NTRK2: variants seen among roughly 807,000 people sequenced by gnomAD.
NTRK2 encodes BDNF/NT-3 growth factors receptor.
A neutral mutation model predicts 94.5 loss-of-function variants in NTRK2; 13 were observed. That is an observed-to-expected ratio of 0.14 (90% CI 0.09 to 0.22). The LOEUF (loss-of-function observed/expected upper bound fraction) is 0.22, where lower values mean the gene tolerates loss of function less well. NTRK2 is among the 10% of genes least tolerant of loss of function. The pLI, the probability that NTRK2 is intolerant of heterozygous loss-of-function variation, is 1.00. For synonymous variants in NTRK2, 372 were observed against 407.4 expected (o/e 0.91, Z 1.05); for missense variants, 639 against 1,071.2 (o/e 0.60, Z 5.63).
intron 12 of NTRK2, among the ~76,000 whole-genome samples, chr9:84,786,258 T>C (rs1381069732): frequency 1.9e-4 from 29 of 152,198 alleles, no homozygotes. Context: ...CACTTGCTTG[T>C]TTCTAAGCAT....
intron 17 of NTRK2, among the ~76,000 whole-genome samples, chr9:84,977,984 T>G (rs1174495359): frequency 2.0e-5 from 3 of 152,204 alleles, no homozygotes; most frequent in Non-Finnish European, 2.9e-5. Flanking sequence ...ACAGTGAACT[T>G]AATAATTGTG....
intron 12 of NTRK2, among the ~76,000 whole-genome samples, chr9:84,824,872 A>G (rs560759955): frequency 6.6e-6 from 1 of 152,318 alleles, no homozygotes; most frequent in African/African-American, 2.4e-5. Flanking sequence ...ACCCTCTAAA[A>G]TCCAACCAAT....
intron 12 of NTRK2, among the ~76,000 whole-genome samples, chr9:84,776,112 C>G (rs2067005588): frequency 1.3e-5 from 2 of 151,862 alleles, no homozygotes; most frequent in Non-Finnish European, 1.5e-5. Context: ...ACAGTTGGTA[C>G]CTGTCTATCT....
chr9:84,974,693 A>G (rs1242909730), intron 17 of NTRK2, among the ~76,000 whole-genome samples: 1 of 152,202 alleles, frequency 6.6e-6, no homozygotes, highest in Non-Finnish European at 1.5e-5. Flanking sequence ...AACCTAGTTC[A>G]TATCCTCAAA....
At chr9:84,955,948 C>G (rs1253225081) in intron 17 of NTRK2, among the ~76,000 whole-genome samples, 1 of 152,152 alleles carries the variant, frequency 6.6e-6, no homozygotes, top group Non-Finnish European at 1.5e-5. Flanking sequence ...TGGGGGGACG[C>G]AGGTCAGCCC....
chr9:84,832,668 A>T (rs2073628323), intron 12 of NTRK2, among the ~76,000 whole-genome samples: 1 of 152,326 alleles, frequency 6.6e-6, no homozygotes, highest in Admixed American at 6.5e-5. Flanking sequence ...TTTAACCTAG[A>T]TAGAAAACCC....
At chr9:84,935,358 G>A (rs923766101) in intron 15 of NTRK2, among the ~76,000 whole-genome samples, 16 of 152,040 alleles carry the variant, frequency 1.1e-4, no homozygotes, top group African/African-American at 3.6e-4. Context: ...ATACATAATG[G>A]GCACAACTGA....
chr9:84,932,256 T>C (rs2078062615), intron 14 of NTRK2, among the ~76,000 whole-genome samples: 1 of 152,180 alleles, frequency 6.6e-6, no homozygotes, highest in South Asian at 2.1e-4. Context: ...TAATTCATAC[T>C]ACACACACAA....
chr9:84,845,169 A>G (rs1284276781), intron 12 of NTRK2, among the ~76,000 whole-genome samples: 2 of 152,184 alleles, frequency 1.3e-5, no homozygotes, highest in Non-Finnish European at 2.9e-5. Context: ...TGTTTATAAC[A>G]GCAGAATTTG....
intron 17 of NTRK2, among the ~76,000 whole-genome samples, chr9:84,968,849 T>C (rs1005818875): frequency 1.1e-4 from 16 of 152,322 alleles, no homozygotes; most frequent in Admixed American, 9.2e-4. Context: ...GCATATACTG[T>C]GCTACACCTA....
chr9:84,891,371 A>AC (rs2076591067), intron 14 of NTRK2, among the ~76,000 whole-genome samples: 1 of 151,226 alleles, frequency 6.6e-6, no homozygotes, highest in Non-Finnish European at 1.5e-5. Flanking sequence ...AAACAGGAAG[A>AC]CACGGTGCAT....
chr9:84,946,328 GT>G (rs1201940416), intron 15 of NTRK2, among the ~76,000 whole-genome samples: 1 of 152,206 alleles, frequency 6.6e-6, no homozygotes, highest in African/African-American at 2.4e-5. Flanking sequence ...TGCTGTCAGT[GT>G]TTAGTTCTCG....
At chr9:85,021,144 T>C in intron 18 of NTRK2, 108 bp from the exon 19 acceptor site, 2 of 900,688 alleles carry the variant, frequency 2.2e-6, no homozygotes, top group Non-Finnish European at 3.6e-6. Context: ...AAACCAAGAG[T>C]GGGCTTCTTT....
At chr9:84,690,852 A>G (rs913916293) in intron 2 of NTRK2, among the ~76,000 whole-genome samples, 13 of 152,238 alleles carry the variant, frequency 8.5e-5, no homozygotes, top group African/African-American at 2.9e-4. Flanking sequence ...TCTTGAAAAC[A>G]ACTAGTATAG....
chr9:84,832,166 C>G (rs532280338), intron 12 of NTRK2, among the ~76,000 whole-genome samples: 2 of 152,202 alleles, frequency 1.3e-5, no homozygotes, highest in East Asian at 3.9e-4. Flanking sequence ...AACTGGAAAC[C>G]TAGTGGCTTT....
At chr9:84,958,601 T>A (rs975853631) in intron 17 of NTRK2, among the ~76,000 whole-genome samples, 12 of 152,176 alleles carry the variant, frequency 7.9e-5, no homozygotes, top group African/African-American at 2.9e-4. Flanking sequence ...GGGTTAGTTT[T>A]TGTTTGATTT....
intron 6 of NTRK2, among the ~76,000 whole-genome samples, chr9:84,719,562 A>G (rs2061925961): frequency 6.6e-6 from 1 of 152,104 alleles, no homozygotes; most frequent in Non-Finnish European, 1.5e-5. Context: ...AAGGTAGGAA[A>G]TTCATCCCAT....
At chr9:84,864,638 G>A (rs1348664503) in intron 13 of NTRK2, among the ~76,000 whole-genome samples, 1 of 152,132 alleles carries the variant, frequency 6.6e-6, no homozygotes, top group Admixed American at 6.5e-5. Flanking sequence ...TAATCTTGCA[G>A]GAGGGAACAG....
rs965781547 is a variant in NTRK2, at chr9:84,752,880, A to C, written c.1396+795A>C. 5.9e-5 allele frequency among the ~76,000 whole-genome samples: 9 copies of C among 152,356 alleles called. No homozygotes were observed. In the South Asian group the frequency reaches 1.9e-3, roughly 32 times the overall value. ...AGATAGACACTATTTAAAAGTGTCT[A>C]AATGGGAATGCTGTGAAGAAGGTTT... On this transcript the variant is annotated intron_variant, in intron 12 of 18. Coordinates refer to ENST00000277120, the MANE Select transcript of NTRK2 (RefSeq NM_006180.6).
Sources: allele counts gnomAD v4.1 joint callset (sites outside exome capture counted in the v4.1 genomes callset), GRCh38; gene constraint gnomAD v4.1.1; transcripts MANE v1.5; gene names NCBI Gene and HGNC (gene_info 2026-07-23, HGNC 2026-07-21).